Variants in PUS10 observed in about 807,000 individuals in gnomAD.
PUS10 encodes the protein tRNA pseudouridine synthase Pus10.
Under a neutral mutation model 75.0 loss-of-function variants are expected in PUS10, and 59 were observed. The observed-to-expected ratio is 0.79, with a 90% CI of 0.64 to 0.98. PUS10 has a LOEUF of 0.98. Among genes scored for constraint, PUS10 ranks in the 50% least tolerant of loss-of-function variants. The pLI is 0.00. For missense variants in PUS10, 650 were observed against 614.4 expected (o/e 1.06, Z -0.61); for synonymous variants, 219 against 211.6 (o/e 1.03, Z -0.30).
chr2:60,969,467 C>A (rs1676530986), intron 5 of PUS10, among the ~76,000 whole-genome samples: 2 of 152,204 alleles, frequency 1.3e-5, no homozygotes, highest in African/African-American at 4.8e-5. Flanking sequence ...ATTCAGTCCC[C>A]ATTTCATACT....
intron 15 of PUS10, among the ~76,000 whole-genome samples, chr2:60,952,494 T>C (rs1438417281): frequency 6.6e-6 from 1 of 152,156 alleles, no homozygotes; most frequent in Non-Finnish European, 1.5e-5. Context: ...TTTACATATA[T>C]TGTCATGTGT....
chr2:61,018,076 G>A lies in PUS10; in HGVS notation c.-84C>T. ...CTCTAATCAGCAACGTTTTTTTCGG[G>A]AGCTCCTGGGCGTCTCTCTGGGTCT... is the stretch of plus-strand genomic sequence containing the variant. On this transcript the variant is annotated 5_prime_UTR_variant, in exon 1 of 18. Transcript: ENST00000316752. 6.6e-7 allele frequency: 1 copy of A among 1,504,706 alleles called. No individual in the cohort carries two copies. Among genetic ancestry groups the A allele is most frequent in the Non-Finnish European group, 8.9e-7 (1 of 1,126,932 alleles). 93.2% of individuals were successfully genotyped at this position (1,504,706 alleles called of 1,614,324 possible).
intron 8 of PUS10, 64 bp downstream of exon 8, chr2:60,964,994 G>A: frequency 1.4e-6 from 2 of 1,419,146 alleles, no homozygotes; most frequent in Non-Finnish European, 2.0e-6. Context: ...CTTTTTGTTG[G>A]AAATTTGAAT....
chr2:61,013,886 G>A (rs1168381823), intron 1 of PUS10, among the ~76,000 whole-genome samples: 1 of 152,024 alleles, frequency 6.6e-6, no homozygotes, highest in Non-Finnish European at 1.5e-5. Context: ...TTAGTTGGGT[G>A]TGGTGGCTGG....
intron 4 of PUS10, among the ~76,000 whole-genome samples, chr2:60,989,328 A>G (rs974471475): frequency 6.6e-6 from 1 of 152,194 alleles, no homozygotes; most frequent in Non-Finnish European, 1.5e-5. Flanking sequence ...CTCTAACCCT[A>G]GTAAAAGAAC....
In PUS10 at chr2:60,948,082, T is replaced by A; in HGVS notation, c.1412A>T (p.Glu471Val). The change falls in exon 16 of 18, where the codon GAG (glutamate) becomes GTG (valine). Residue 471 changes from glutamate to valine, a missense_variant. Physicochemically the swap from Glu to Val is moderately radical, Grantham distance 121. Transcript: ENST00000316752. The part of the protein sequence containing the change: ...IHFMETQYVD[E>V]HHFRLHLKTQ... ...TTTCAAGTGGAGGCGGAAGTGGTGC[T>A]CATCCACGTACTGTGTCTCCATGAA... 6.2e-7 allele frequency: 1 copy of A among 1,614,096 alleles called. No individual in the cohort carries two copies. The highest frequency in any genetic ancestry group is 8.5e-7 in the Non-Finnish European group (1 of 1,179,996).
intron 15 of PUS10, among the ~76,000 whole-genome samples, chr2:60,952,058 G>A (rs149536157): frequency 2.6e-5 from 4 of 152,122 alleles, no homozygotes; most frequent in South Asian, 2.1e-4. Flanking sequence ...ATTTTTGGCC[G>A]GGCACGGTGC....
rs368702194 is a variant in PUS10, at chr2:60,961,424, C to G, written c.874+39G>C. 5 of 1,447,276 alleles carry G rather than the reference C, an allele frequency of 3.5e-6. No individual in the cohort carries two copies. The African/African-American group carries it at 4.2e-5, about 12-fold the overall frequency. The allele number at this position is 1,447,276 out of a possible 1,614,324, so 89.7% of individuals were successfully genotyped here. ...AGCTGAGTTTTTAGAAAGGAGAGTA[C>G]GTTCACAGTGTATGTATATTCTAGA... On this transcript the variant is annotated intron_variant, in intron 10 of 17. Coordinates refer to ENST00000316752, the MANE Select transcript of PUS10 (RefSeq NM_144709.4).
chr2:61,011,919 A>G lies in PUS10; in HGVS notation c.-15-14T>C, dbSNP rs752645725. On this transcript the variant is annotated splice_polypyrimidine_tract_variant and intron_variant, in intron 1 of 17. Transcript: ENST00000316752. ...GAATAATTATAACTAGAAAGAAAAGAAGTAAAACTAATGAGCAGCTTCTGC... is the reference window on the plus strand; with the variant it reads ...GAATAATTATAACTAGAAAGAAAAGGAGTAAAACTAATGAGCAGCTTCTGC... 3 of 1,581,050 alleles carry G rather than the reference A, an allele frequency of 1.9e-6. No individual in the cohort carries two copies. In the African/African-American group the frequency reaches 4.1e-5, roughly 22 times the overall value.
intron 4 of PUS10, among the ~76,000 whole-genome samples, chr2:60,996,994 C>T (rs1241485532): frequency 6.6e-6 from 1 of 152,140 alleles, no homozygotes; most frequent in African/African-American, 2.4e-5. Flanking sequence ...CAATAAGTGC[C>T]ATAAAAAGCT....
At chr2:60,955,147 A>G in intron 11 of PUS10, 73 bp from the exon 12 acceptor site, 14 of 936,684 alleles carry the variant, frequency 1.5e-5, no homozygotes, top group Non-Finnish European at 2.2e-5. Flanking sequence ...AACCTTTGCT[A>G]GAAACCCAAC....
chr2:60,978,810 A>C (rs532375598), intron 4 of PUS10, among the ~76,000 whole-genome samples: 13 of 152,346 alleles, frequency 8.5e-5, no homozygotes, highest in African/African-American at 2.4e-4. Context: ...AATTCAAGCA[A>C]GAAAAAATAT....
intron 4 of PUS10, among the ~76,000 whole-genome samples, chr2:60,980,639 C>T (rs1677327142): frequency 6.6e-6 from 1 of 152,138 alleles, no homozygotes; most frequent in Admixed American, 6.5e-5. Context: ...ACCAAAACAC[C>T]AAGTAGGTCA....
At chr2:60,963,772 C>A (rs575939070) in intron 8 of PUS10, among the ~76,000 whole-genome samples, 1 of 152,158 alleles carries the variant, frequency 6.6e-6, no homozygotes, top group Non-Finnish European at 1.5e-5. Context: ...CTCAAAAAGT[C>A]ATTCAATTTG....
chr2:61,012,005 A>T (rs1679638778), intron 1 of PUS10, 100 bp from the exon 2 acceptor site: 6 of 906,606 alleles, frequency 6.6e-6, no homozygotes, highest in African/African-American at 1.7e-5. Flanking sequence ...CATTTGAAAA[A>T]CACTATTGTG....
rs1285295292 is a variant in PUS10, at chr2:60,940,663, C to G, written c.*1732G>C. On this transcript the variant is annotated 3_prime_UTR_variant, in exon 18 of 18. Coordinates refer to ENST00000316752, the MANE Select transcript of PUS10 (RefSeq NM_144709.4). ...CAGTTTGCTAAGCACATTCTTCATT[C>G]TTACATATTACAGGTCCACTAGATT... The G allele has an allele frequency of 6.6e-6, 1 of 152,288 alleles. No individual in the cohort carries two copies. Among genetic ancestry groups the G allele is most frequent in the African/African-American group, 2.4e-5 (1 of 41,454 alleles). The allele number at this position is 152,288 out of a possible 1,614,324, so 9.4% of individuals were successfully genotyped here. A position where few individuals can be genotyped will look rare whatever the true frequency, so the allele number is the denominator to read the frequency against.
At chr2:60,956,961 C>A (rs1182130269) in intron 11 of PUS10, among the ~76,000 whole-genome samples, 1 of 108,564 alleles carries the variant, frequency 9.2e-6, no homozygotes, top group African/African-American at 4.0e-5. Flanking sequence ...GGTGACAGAG[C>A]GAGACTCCAT....
At chr2:60,974,495 CAG>C (rs1389593303) in intron 4 of PUS10, among the ~76,000 whole-genome samples, 3 of 152,134 alleles carry the variant, frequency 2.0e-5, no homozygotes, top group Non-Finnish European at 4.4e-5. Context: ...GTAAAACAAA[CAG>C]GGCTGAAACA....
intron 4 of PUS10, among the ~76,000 whole-genome samples, chr2:60,980,124 T>C (rs889185263): frequency 2.0e-5 from 3 of 152,116 alleles, no homozygotes. Flanking sequence ...CTGGGATAGA[T>C]AAATGAAGAC....
Sources: allele counts gnomAD v4.1 joint callset (sites outside exome capture counted in the v4.1 genomes callset), GRCh38; gene constraint gnomAD v4.1.1; transcripts MANE v1.5; gene names NCBI Gene and HGNC (gene_info 2026-07-23, HGNC 2026-07-21).